RPS6KA2: variants seen among roughly 807,000 people sequenced by gnomAD.
RPS6KA2 encodes the protein ribosomal protein S6 kinase alpha-2.
In RPS6KA2, 42 loss-of-function variants were observed where a neutral mutation model predicts 91.8. The observed-to-expected ratio is 0.46, with a 90% CI of 0.36 to 0.59. The LOEUF is 0.59. Among genes scored for constraint, RPS6KA2 ranks in the 20% least tolerant of loss-of-function variants. The pLI is 0.00. For missense variants in RPS6KA2, 798 were observed against 978.5 expected (o/e 0.82, Z 2.46); for synonymous variants, 414 against 393.6 (o/e 1.05, Z -0.61).
At chr6:166,652,035 G>A (rs771136335) in intron 2 of RPS6KA2, among the ~76,000 whole-genome samples, 6 of 152,224 alleles carry the variant, frequency 3.9e-5, no homozygotes, top group South Asian at 2.1e-4. Context: ...GACTTTCAAC[G>A]CCACTGAGTG....
At chr6:166,839,330 C>T (rs1583169472) in intron 2 of RPS6KA2, among the ~76,000 whole-genome samples, 2 of 152,124 alleles carry the variant, frequency 1.3e-5, no homozygotes, top group South Asian at 2.1e-4. Context: ...GTCTCCTGCA[C>T]ATCAAACACC....
At chr6:166,534,747 C>T (rs1783426644) in intron 2 of RPS6KA2, among the ~76,000 whole-genome samples, 1 of 152,166 alleles carries the variant, frequency 6.6e-6, no homozygotes, top group Admixed American at 6.5e-5. Flanking sequence ...CATACTTTTG[C>T]TTTTTAAAAG....
In RPS6KA2 at chr6:166,411,242, G is replaced by A. The variant is rs954329057; in HGVS notation, c.*1520C>T. On this transcript the variant is annotated 3_prime_UTR_variant, in exon 21 of 21. Transcript: ENST00000265678. The surrounding 1 kb of genome is among the most constrained non-coding windows in gnomAD (Gnocchi z 4.5). ...TATTTTTTTTTTTTTAGTTGGGTAC[G>A]AGAATCGAGATGGAGGGGGAACAAA... 6.6e-6 allele frequency: 1 copy of A among 151,406 alleles called. No individual in the cohort carries two copies. The highest frequency in any genetic ancestry group is 1.5e-5 in the Non-Finnish European group (1 of 67,900). The allele number at this position is 151,406 out of a possible 1,614,324, so 9.4% of individuals were successfully genotyped here.
rs1386977547 is a variant in RPS6KA2 at position 166,563,050 on chromosome 6, G to C, written c.100-24266C>G. On this transcript the variant is annotated intron_variant, in intron 1 of 20. Transcript: ENST00000265678. This position sits in a 1 kb window ranked among gnomAD's most constrained non-coding sequence, Gnocchi z 4.1. ...TCACAACAGGAGTCCAGAGGGTCCT[G>C]AGTGTGGGAAACACAAGCTCTTCTA... 1.3e-5 allele frequency among the ~76,000 whole-genome samples: 2 copies of C among 152,230 alleles called. No individual in the cohort carries two copies. Among genetic ancestry groups the C allele is most frequent in the Non-Finnish European group, 2.9e-5 (2 of 68,042 alleles).
chr6:166,530,422 G>A (rs1413468076), intron 3 of RPS6KA2, among the ~76,000 whole-genome samples: 7 of 152,168 alleles, frequency 4.6e-5, no homozygotes, highest in Non-Finnish European at 8.8e-5. Flanking sequence ...TGACCCTCCC[G>A]TTCCTAGGAA....
chr6:166,545,530 G>T (rs929995777), intron 1 of RPS6KA2, among the ~76,000 whole-genome samples: 1 of 152,178 alleles, frequency 6.6e-6, no homozygotes, highest in East Asian at 1.9e-4. Context: ...GGGAAGAAAG[G>T]AGGAGAAGCA....
At chr6:166,780,249 C>A (rs1778735414) in intron 2 of RPS6KA2, among the ~76,000 whole-genome samples, 1 of 152,236 alleles carries the variant, frequency 6.6e-6, no homozygotes, top group Admixed American at 6.5e-5. Context: ...GCCATTGCAG[C>A]TGGGCTTAGC....
rs372975527 is a variant in RPS6KA2, at chr6:166,576,264, T to C, written c.100-37480A>G. On this transcript the variant is annotated intron_variant, in intron 1 of 20. Coordinates refer to ENST00000265678, the MANE Select transcript of RPS6KA2 (RefSeq NM_021135.6). ...CATGAAAATGGACTAATACAGTAAA[T>C]TGGTACCAGTAGAGTAAGGCATTGC... Among the ~76,000 whole-genome samples the C allele has an allele frequency of 7.2e-4, 110 of 152,270 alleles. 1 individual carries two copies. In the South Asian group the frequency reaches 0.021, roughly 28 times the overall value.
intron 3 of RPS6KA2, among the ~76,000 whole-genome samples, chr6:166,528,174 T>C (rs908958822): frequency 6.6e-6 from 1 of 152,234 alleles, no homozygotes. Context: ...CACTAACAAA[T>C]GTCTAATTTA....
chr6:166,753,774 T>G (rs74507270), intron 2 of RPS6KA2, among the ~76,000 whole-genome samples: 6,068 of 152,310 alleles, frequency 0.04, 165 homozygotes, highest in Non-Finnish European at 0.063. Context: ...ACCATGAAAC[T>G]GGGAAAATAC....
intron 2 of RPS6KA2, among the ~76,000 whole-genome samples, chr6:166,783,047 G>GATA (rs1778811223): frequency 8.1e-6 from 1 of 124,168 alleles, no homozygotes; most frequent in African/African-American, 3.9e-5. Context: ...GTATCTTTTA[G>GATA]GTATTATTAT....
intron 2 of RPS6KA2, among the ~76,000 whole-genome samples, chr6:166,751,121 G>A (rs1335279689): frequency 1.3e-5 from 2 of 152,202 alleles, no homozygotes; most frequent in African/African-American, 4.8e-5. Context: ...AGGTTCAGCG[G>A]TGAAATAGCG....
chr6:166,668,093 C>T (rs1042554231), intron 2 of RPS6KA2, among the ~76,000 whole-genome samples: 7 of 152,140 alleles, frequency 4.6e-5, no homozygotes, highest in African/African-American at 1.7e-4. Context: ...AAGGACAATG[C>T]CAGGTTCCTG....
chr6:166,493,577 T>G lies in RPS6KA2; in HGVS notation c.748-2836A>C, dbSNP rs1262253867. Reference sequence around the variant, plus strand: ...GGGGGAGGGAGGGCACTCCAAAGGATTCTTTCCCAATCGGCACCGAGACCA... The same window carrying G: ...GGGGGAGGGAGGGCACTCCAAAGGAGTCTTTCCCAATCGGCACCGAGACCA... On this transcript the variant is annotated intron_variant, in intron 8 of 20. Transcript: ENST00000265678. The surrounding 1 kb of genome is among the most constrained non-coding windows in gnomAD (Gnocchi z 4.7). Among the ~76,000 whole-genome samples, 3 of 151,904 alleles carry G rather than the reference T, an allele frequency of 2.0e-5. No individual in the cohort carries two copies. Among genetic ancestry groups the G allele is most frequent in the African/African-American group, 7.3e-5 (3 of 41,346 alleles).
intron 1 of RPS6KA2, among the ~76,000 whole-genome samples, chr6:166,625,331 A>ACCCCCCCCCCC (rs10583661): frequency 1.9e-5 from 1 of 52,562 alleles, no homozygotes; most frequent in Non-Finnish European, 3.6e-5. Context: ...CCACCCCCCC[A>ACCCCCCCCCCC]CCCCCCCCCC....
intron 2 of RPS6KA2, among the ~76,000 whole-genome samples, chr6:166,694,515 C>T (rs997327143): frequency 6.6e-6 from 1 of 152,226 alleles, no homozygotes; most frequent in African/African-American, 2.4e-5. Context: ...CTGCGAAGAA[C>T]AAAGCCTGGC....
At chr6:166,725,755 G>A (rs528361772) in intron 2 of RPS6KA2, among the ~76,000 whole-genome samples, 3 of 152,340 alleles carry the variant, frequency 2.0e-5, no homozygotes, top group African/African-American at 7.2e-5. Context: ...CAGCTTCCTC[G>A]GGCCAGCGTG....
intron 2 of RPS6KA2, among the ~76,000 whole-genome samples, chr6:166,680,100 C>A (rs116805845): frequency 6.6e-6 from 1 of 151,778 alleles, no homozygotes; most frequent in Non-Finnish European, 1.5e-5. Context: ...GTCTAGCTAA[C>A]GGTTTGTAAA....
At chr6:166,464,259 G>A (rs1430013811) in intron 11 of RPS6KA2, among the ~76,000 whole-genome samples, 2 of 152,106 alleles carry the variant, frequency 1.3e-5, no homozygotes, top group African/African-American at 2.4e-5. Context: ...CACACCCCAC[G>A]CGCTGCCAGA....
Sources: allele counts gnomAD v4.1 joint callset (sites outside exome capture counted in the v4.1 genomes callset), GRCh38; gene constraint gnomAD v4.1.1; non-coding constraint Gnocchi (gnomAD v3.1); transcripts MANE v1.5; gene names NCBI Gene and HGNC (gene_info 2026-07-23, HGNC 2026-07-21).